Variants in GPC5 observed in about 807,000 individuals in gnomAD.
The protein encoded by GPC5 is glypican-5.
GPC5 carries 47 observed loss-of-function variants against 53.9 expected under a neutral mutation model. The observed-to-expected ratio is 0.87, with a 90% CI of 0.69 to 1.11. The LOEUF (loss-of-function observed/expected upper bound fraction) is 1.11, where lower values mean the gene tolerates loss of function less well. GPC5 is among the 50% of genes most tolerant of loss of function. GPC5 has a pLI of 0.00. For synonymous variants in GPC5, 286 were observed against 263.3 expected (o/e 1.09, Z -0.84); for missense variants, 748 against 713.1 (o/e 1.05, Z -0.56).
At chr13:91,508,827 A>G (rs895329571) in intron 2 of GPC5, among the ~76,000 whole-genome samples, 2 of 152,184 alleles carry the variant, frequency 1.3e-5, no homozygotes, top group African/African-American at 4.8e-5. Context: ...CAGCCATTCC[A>G]TAAATTTAAC....
At chr13:91,436,353 T>A (rs1879956782) in intron 1 of GPC5, among the ~76,000 whole-genome samples, 1 of 151,930 alleles carries the variant, frequency 6.6e-6, no homozygotes, top group African/African-American at 2.4e-5. Flanking sequence ...TACACACTGC[T>A]TTGAATGTGT....
chr13:92,716,179 T>G (rs2139278562), intron 7 of GPC5, among the ~76,000 whole-genome samples: 1 of 152,244 alleles, frequency 6.6e-6, no homozygotes, highest in Admixed American at 6.5e-5. Flanking sequence ...TCATACAATC[T>G]GGTGCTAATA....
At position 91,805,806 on chromosome 13, in the gene GPC5, G is replaced by C. The variant is rs190362082; in HGVS notation, c.1280+49386G>C. Among the ~76,000 whole-genome samples the C allele has an allele frequency of 2.0e-5, 3 of 152,126 alleles. No homozygotes were observed. The South Asian group carries it at 6.2e-4, about 32-fold the overall frequency. On this transcript the variant is annotated intron_variant, in intron 5 of 7. Transcript: ENST00000377067. ...CTAAGTCATTTAGATTTCTAGGATG[G>C]CTTTTGTACACTAGGTGGCAGAGGC...
intron 2 of GPC5, among the ~76,000 whole-genome samples, chr13:91,646,588 A>G (rs2034562883): frequency 6.6e-6 from 1 of 152,136 alleles, no homozygotes; most frequent in South Asian, 2.1e-4. Context: ...TAATGGTTTA[A>G]TGGCTTTATT....
At chr13:91,715,952 T>C (rs2036328773) in intron 3 of GPC5, among the ~76,000 whole-genome samples, 1 of 152,098 alleles carries the variant, frequency 6.6e-6, no homozygotes, top group Non-Finnish European at 1.5e-5. Flanking sequence ...TTTTAAAAAA[T>C]ACTTTTTGTA....
chr13:92,466,379 T>C (rs1878692398), intron 7 of GPC5, among the ~76,000 whole-genome samples: 2 of 152,066 alleles, frequency 1.3e-5, no homozygotes, highest in Middle Eastern at 3.4e-3. Context: ...TAGTTAGGTA[T>C]ATAAAATCAC....
At chr13:91,424,361 CTTT>C (rs781733611) in intron 1 of GPC5, among the ~76,000 whole-genome samples, 1 of 113,440 alleles carries the variant, frequency 8.8e-6, no homozygotes, top group Admixed American at 9.1e-5. Context: ...TCCAGTACTG[CTTT>C]TTTTTTTTTT....
chr13:92,645,183 G>T (rs1043220317), intron 7 of GPC5, among the ~76,000 whole-genome samples: 5 of 152,006 alleles, frequency 3.3e-5, no homozygotes, highest in African/African-American at 1.2e-4. Flanking sequence ...CCTAGCTTCT[G>T]GGCCCAGGCT....
At chr13:92,833,267 T>A (rs1878111916) in intron 7 of GPC5, among the ~76,000 whole-genome samples, 1 of 152,188 alleles carries the variant, frequency 6.6e-6, no homozygotes, top group African/African-American at 2.4e-5. Flanking sequence ...GGAAACCAGC[T>A]GTCCCTTGTG....
At chr13:92,510,789 G>A (rs907464243) in intron 7 of GPC5, among the ~76,000 whole-genome samples, 1 of 152,130 alleles carries the variant, frequency 6.6e-6, no homozygotes, top group Non-Finnish European at 1.5e-5. Context: ...CTTAATTTCA[G>A]AGTGAGACAT....
At chr13:92,120,601 T>G (rs2041641284) in intron 6 of GPC5, among the ~76,000 whole-genome samples, 1 of 152,228 alleles carries the variant, frequency 6.6e-6, no homozygotes, top group Admixed American at 6.5e-5. Flanking sequence ...TGTTAATCAC[T>G]TTTATGTACA....
At chr13:92,242,873 G>A (rs540423389) in intron 7 of GPC5, among the ~76,000 whole-genome samples, 1 of 152,130 alleles carries the variant, frequency 6.6e-6, no homozygotes, top group Non-Finnish European at 1.5e-5. Flanking sequence ...CTGTAAGAAA[G>A]AAATATTAAA....
intron 7 of GPC5, among the ~76,000 whole-genome samples, chr13:92,532,920 C>T (rs1294330930): frequency 1.3e-5 from 2 of 152,074 alleles, no homozygotes; most frequent in East Asian, 1.9e-4. Flanking sequence ...TCCTAAGTGG[C>T]AGTTTTATTA....
At chr13:91,489,260 A>G (rs1378964191) in intron 2 of GPC5, among the ~76,000 whole-genome samples, 1 of 152,150 alleles carries the variant, frequency 6.6e-6, no homozygotes, top group Non-Finnish European at 1.5e-5. Flanking sequence ...GAAAATCACT[A>G]ATAAAAACTT....
intron 3 of GPC5, among the ~76,000 whole-genome samples, chr13:91,724,237 AT>A (rs2036532181): frequency 6.6e-6 from 1 of 152,136 alleles, no homozygotes; most frequent in South Asian, 2.1e-4. Context: ...TTTGTTTCTT[AT>A]TTTATTTATG....
At chr13:91,612,122 A>G (rs1454426049) in intron 2 of GPC5, among the ~76,000 whole-genome samples, 1 of 152,190 alleles carries the variant, frequency 6.6e-6, no homozygotes, top group Admixed American at 6.5e-5. Context: ...CATTTCTGTC[A>G]TATGAGACTG....
chr13:91,714,606 A>T (rs568710460), intron 3 of GPC5, among the ~76,000 whole-genome samples: 57 of 152,342 alleles, frequency 3.7e-4, no homozygotes, highest in Non-Finnish European at 3.7e-4. Flanking sequence ...AAGTACATGG[A>T]CATGTGAACA....
In GPC5 at chr13:91,478,949, T is replaced by C. The variant is rs944476656; in HGVS notation, c.325+30027T>C. On this transcript the variant is annotated intron_variant, in intron 2 of 7. Coordinates refer to ENST00000377067, the MANE Select transcript of GPC5 (RefSeq NM_004466.6). The stretch of plus-strand genomic sequence containing the variant: ...TTTTTCTTTAGATGCAGTCTTGTTC[T>C]GTTACCCACGTTGGAGTGCAGTGCA... 5.4e-5 allele frequency among the ~76,000 whole-genome samples: 8 copies of C among 147,186 alleles called. 1 individual carries two copies. Among genetic ancestry groups the C allele is most frequent in the Non-Finnish European group, 8.9e-5 (6 of 67,056 alleles).
intron 7 of GPC5, among the ~76,000 whole-genome samples, chr13:92,799,373 C>T (rs904043637): frequency 6.6e-6 from 1 of 151,608 alleles, no homozygotes; most frequent in Non-Finnish European, 1.5e-5. Flanking sequence ...TTATTTAATG[C>T]CTGCATAATT....
Sources: gnomAD v4.1 joint callset for allele counts (sites outside exome capture counted in the v4.1 genomes callset) on GRCh38, gnomAD v4.1.1 for gene constraint, MANE v1.5 for transcripts, NCBI Gene and HGNC (gene_info 2026-07-23, HGNC 2026-07-21) for gene names.